Variants in KCNQ5 observed in about 807,000 individuals in gnomAD.
KCNQ5 encodes potassium voltage-gated channel subfamily KQT member 5.
A neutral mutation model predicts 98.2 loss-of-function variants in KCNQ5; 30 were observed. That is an observed-to-expected ratio of 0.31 (90% CI 0.23 to 0.41). The LOEUF is 0.41. Among genes scored for constraint, KCNQ5 ranks in the 10% least tolerant of loss-of-function variants. KCNQ5 has a pLI of 1.00. For missense variants in KCNQ5, 835 were observed against 1,182.5 expected (o/e 0.71, Z 4.31); for synonymous variants, 458 against 449.4 (o/e 1.02, Z -0.24).
chr6:72,918,941 C>T lies in KCNQ5; in HGVS notation c.399-84967C>T, dbSNP rs748750069. Among the ~76,000 whole-genome samples, 6 of 152,218 alleles carry T rather than the reference C, an allele frequency of 3.9e-5. No individual in the cohort carries two copies. In the East Asian group the frequency reaches 9.7e-4, roughly 24 times the overall value. On this transcript the variant is annotated intron_variant, in intron 1 of 13. Transcript: ENST00000370398. ...AGCTGAAGTGTTGCCTTCTCTTCTC[C>T]CCTCTTGCCTTGTCTTCTCTCGTCT...
chr6:72,628,670 T>A (rs984888498), intron 1 of KCNQ5, among the ~76,000 whole-genome samples: 2 of 152,096 alleles, frequency 1.3e-5, no homozygotes, highest in African/African-American at 4.8e-5. Context: ...AGTGCAGTGG[T>A]GTGATCTCAG....
At chr6:72,824,078 T>C (rs1775877247) in intron 1 of KCNQ5, among the ~76,000 whole-genome samples, 1 of 152,192 alleles carries the variant, frequency 6.6e-6, no homozygotes, top group South Asian at 2.1e-4. Context: ...CATCCAGGAC[T>C]ACTAGATTCC....
chr6:73,081,408 T>C (rs1213865840), intron 5 of KCNQ5, among the ~76,000 whole-genome samples: 28 of 152,234 alleles, frequency 1.8e-4, no homozygotes, highest in Admixed American at 1.8e-3. Context: ...TGGGTTTCCC[T>C]GGAGTTATTT....
At chr6:73,087,781 G>C (rs1333306940) in intron 5 of KCNQ5, among the ~76,000 whole-genome samples, 2 of 151,278 alleles carry the variant, frequency 1.3e-5, no homozygotes, top group Admixed American at 1.3e-4. Context: ...GAAGAGAAGA[G>C]TGCTTCTAGA....
intron 1 of KCNQ5, among the ~76,000 whole-genome samples, chr6:72,786,898 C>T (rs1450832512): frequency 2.7e-5 from 4 of 147,506 alleles, no homozygotes; most frequent in East Asian, 2.1e-4. Context: ...CCCAGCTACT[C>T]GGGAGGCTGA....
At chr6:73,178,501 A>T (rs1778297417) in intron 11 of KCNQ5, among the ~76,000 whole-genome samples, 1 of 150,742 alleles carries the variant, frequency 6.6e-6, no homozygotes, top group East Asian at 1.9e-4. Context: ...GGCAAGCATT[A>T]GGAGAACAAG....
intron 1 of KCNQ5, among the ~76,000 whole-genome samples, chr6:72,773,957 C>T (rs1311720240): frequency 1.3e-5 from 2 of 152,066 alleles, no homozygotes; most frequent in Non-Finnish European, 2.9e-5. Flanking sequence ...GAAGCAGACC[C>T]ATGCTTACTG....
chr6:72,729,907 T>A (rs1434361090), intron 1 of KCNQ5, among the ~76,000 whole-genome samples: 4 of 152,170 alleles, frequency 2.6e-5, no homozygotes, highest in African/African-American at 4.8e-5. Flanking sequence ...ACACTTATAA[T>A]CCCAGCATTT....
chr6:72,914,895 T>C (rs974010222), intron 1 of KCNQ5, among the ~76,000 whole-genome samples: 2 of 151,746 alleles, frequency 1.3e-5, no homozygotes, highest in Admixed American at 6.6e-5. Context: ...GCCCAGCAAG[T>C]CTCCTACTCA....
intron 1 of KCNQ5, among the ~76,000 whole-genome samples, chr6:72,826,290 C>T (rs1308625601): frequency 6.6e-6 from 1 of 151,998 alleles, no homozygotes; most frequent in Admixed American, 6.6e-5. Flanking sequence ...TTGTTAATGC[C>T]ATGGAGAGAA....
At chr6:73,031,927 A>G (rs973531994) in intron 2 of KCNQ5, among the ~76,000 whole-genome samples, 3 of 152,212 alleles carry the variant, frequency 2.0e-5, no homozygotes, top group African/African-American at 7.2e-5. Context: ...GGCAGCTATA[A>G]GAACAGAGAC....
chr6:72,794,404 T>A (rs1190841929), intron 1 of KCNQ5, among the ~76,000 whole-genome samples: 2 of 152,022 alleles, frequency 1.3e-5, no homozygotes, highest in Admixed American at 1.3e-4. Flanking sequence ...TGGCACCAAA[T>A]TACTTTTTAA....
intron 2 of KCNQ5, among the ~76,000 whole-genome samples, chr6:73,021,675 T>G (rs1213745386): frequency 6.6e-6 from 1 of 152,198 alleles, no homozygotes; most frequent in Admixed American, 6.5e-5. Flanking sequence ...TTTTCTCTCC[T>G]GTACTAATAG....
intron 1 of KCNQ5, among the ~76,000 whole-genome samples, chr6:72,903,389 C>G (rs1779582378): frequency 6.6e-6 from 1 of 151,894 alleles, no homozygotes; most frequent in Non-Finnish European, 1.5e-5. Context: ...TTGGTTTGTT[C>G]TTGTTTCTCT....
chr6:72,657,071 G>A (rs1019723433), intron 1 of KCNQ5, among the ~76,000 whole-genome samples: 13 of 152,078 alleles, frequency 8.5e-5, no homozygotes, highest in African/African-American at 1.9e-4. Flanking sequence ...TTAGTTGGGC[G>A]TGGTGGTGAA....
intron 1 of KCNQ5, among the ~76,000 whole-genome samples, chr6:72,623,393 T>TGTGC (rs1461886791): frequency 6.9e-6 from 1 of 144,098 alleles, no homozygotes; most frequent in Non-Finnish European, 1.5e-5. Context: ...AGTCAAAGAG[T>TGTGC]GTGTGTGTGT....
At chr6:72,928,720 ATAT>A (rs569779187) in intron 1 of KCNQ5, among the ~76,000 whole-genome samples, 67 of 152,266 alleles carry the variant, frequency 4.4e-4, no homozygotes, top group African/African-American at 1.5e-3. Flanking sequence ...GTAGACTCTA[ATAT>A]GTCTCTATGT....
chr6:72,954,742 T>C (rs1042838229), intron 1 of KCNQ5, among the ~76,000 whole-genome samples: 1 of 152,194 alleles, frequency 6.6e-6, no homozygotes, highest in African/African-American at 2.4e-5. Flanking sequence ...CCAAACAGAC[T>C]TGGCAGAATA....
intron 1 of KCNQ5, among the ~76,000 whole-genome samples, chr6:72,764,934 A>G (rs1374908276): frequency 2.6e-5 from 4 of 151,924 alleles, no homozygotes; most frequent in Non-Finnish European, 4.4e-5. Context: ...CATCCATGTT[A>G]TTGCAAATGA....
Sources: allele counts gnomAD v4.1 joint callset (sites outside exome capture counted in the v4.1 genomes callset), GRCh38; gene constraint gnomAD v4.1.1; transcripts MANE v1.5; gene names NCBI Gene and HGNC (gene_info 2026-07-23, HGNC 2026-07-21).